The following TMEM117 variants were observed in gnomAD, a reference collection of about 807,000 sequenced individuals.
The protein encoded by TMEM117 is transmembrane protein 117.
A neutral mutation model predicts 52.4 loss-of-function variants in TMEM117; 27 were observed. The observed-to-expected ratio is 0.51, with a 90% CI of 0.38 to 0.71. The LOEUF is 0.71. TMEM117 is among the 30% of genes least tolerant of loss of function. TMEM117 has a pLI of 0.00. For synonymous variants in TMEM117, 215 were observed against 206.3 expected (o/e 1.04, Z -0.36); for missense variants, 556 against 630.5 (o/e 0.88, Z 1.26).
At chr12:43,861,979 A>G (rs1467599644) in intron 2 of TMEM117, among the ~76,000 whole-genome samples, 1 of 152,084 alleles carries the variant, frequency 6.6e-6, no homozygotes, top group Non-Finnish European at 1.5e-5. Context: ...AGCAGGGGTG[A>G]TGTGTGGCAT....
intron 2 of TMEM117, among the ~76,000 whole-genome samples, chr12:43,902,989 T>TCAAA (rs988913749): frequency 1.3e-4 from 20 of 152,320 alleles, no homozygotes; most frequent in African/African-American, 4.8e-4. Context: ...TGACCTTTTC[T>TCAAA]GGAAAACTCA....
At chr12:44,190,969 T>C (rs1041575683) in intron 4 of TMEM117, among the ~76,000 whole-genome samples, 1 of 148,400 alleles carries the variant, frequency 6.7e-6, no homozygotes, top group African/African-American at 2.5e-5. Flanking sequence ...ATATTATATA[T>C]ATATATTAGT....
chr12:44,360,336 T>C (rs892787829), intron 6 of TMEM117, among the ~76,000 whole-genome samples: 13 of 151,900 alleles, frequency 8.6e-5, no homozygotes, highest in African/African-American at 3.1e-4. Flanking sequence ...TCCCAGAACT[T>C]TGGGAGGCCG....
chr12:43,892,462 A>G (rs757369385), intron 2 of TMEM117, among the ~76,000 whole-genome samples: 36 of 152,184 alleles, frequency 2.4e-4, no homozygotes, highest in Non-Finnish European at 5.0e-4. Context: ...TTATATAAAC[A>G]TTTTAGGCAT....
chr12:44,264,625 G>A (rs1443168891), intron 5 of TMEM117, among the ~76,000 whole-genome samples: 1 of 152,032 alleles, frequency 6.6e-6, no homozygotes, highest in African/African-American at 2.4e-5. Flanking sequence ...TTATTATTTT[G>A]ATAGTGTATG....
intron 2 of TMEM117, among the ~76,000 whole-genome samples, chr12:43,887,529 C>T (rs1710973044): frequency 6.6e-6 from 1 of 152,140 alleles, no homozygotes; most frequent in South Asian, 2.1e-4. Flanking sequence ...GAACTGGAGT[C>T]TACTTAGGGT....
chr12:44,248,069 G>A (rs1246552977), intron 5 of TMEM117, among the ~76,000 whole-genome samples: 1 of 152,168 alleles, frequency 6.6e-6, no homozygotes, highest in Non-Finnish European at 1.5e-5. Context: ...AGCCAAGTAT[G>A]AGGATATAGC....
At chr12:44,202,233 AG>A (rs1449050323) in intron 4 of TMEM117, among the ~76,000 whole-genome samples, 1 of 152,182 alleles carries the variant, frequency 6.6e-6, no homozygotes, top group Non-Finnish European at 1.5e-5. Flanking sequence ...GCCTAAATGA[AG>A]TCTAATTATA....
At chr12:44,025,218 A>G (rs1946514370) in intron 3 of TMEM117, among the ~76,000 whole-genome samples, 1 of 152,208 alleles carries the variant, frequency 6.6e-6, no homozygotes, top group South Asian at 2.1e-4. Flanking sequence ...AATAATAATA[A>G]TTGTAACACA....
At chr12:44,327,179 T>G (rs908397803) in intron 6 of TMEM117, among the ~76,000 whole-genome samples, 2 of 152,024 alleles carry the variant, frequency 1.3e-5, no homozygotes, top group African/African-American at 2.4e-5. Context: ...AAAATGAAAA[T>G]TCAATAGGAA....
chr12:44,018,225 G>A (rs1565793958), intron 3 of TMEM117, among the ~76,000 whole-genome samples: 1 of 152,032 alleles, frequency 6.6e-6, no homozygotes, highest in Non-Finnish European at 1.5e-5. Context: ...TTCCAAAATG[G>A]TTACAAAAGG....
intron 4 of TMEM117, among the ~76,000 whole-genome samples, chr12:44,150,350 A>G (rs1308147586): frequency 2.0e-5 from 3 of 152,138 alleles, no homozygotes; most frequent in African/African-American, 7.2e-5. Context: ...GCAAAGATAT[A>G]GTTCTATGGT....
At chr12:44,248,390 G>A (rs1950157184) in intron 5 of TMEM117, 1 of 152,208 alleles carries the variant, frequency 6.6e-6, no homozygotes, top group Non-Finnish European at 1.5e-5. Flanking sequence ...GTTTAGATAA[G>A]GACTAGAGTC....
the TMEM117 span, among the ~76,000 whole-genome samples, chr12:43,799,235 T>C: frequency 2.0e-5 from 3 of 152,130 alleles, no homozygotes; most frequent in African/African-American, 7.2e-5. Context: ...ACTTTTTTTT[T>C]CTGAAAAGGC....
intron 6 of TMEM117, among the ~76,000 whole-genome samples, chr12:44,306,507 G>C (rs1212068050): frequency 6.6e-6 from 1 of 152,090 alleles, no homozygotes; most frequent in Non-Finnish European, 1.5e-5. Context: ...CAAAGATCAA[G>C]TTTTGGATCC....
At chr12:44,087,742 G>A (rs1468098179) in intron 3 of TMEM117, among the ~76,000 whole-genome samples, 1 of 152,106 alleles carries the variant, frequency 6.6e-6, no homozygotes, top group Admixed American at 6.5e-5. Context: ...TGGGATTACA[G>A]GCATGGACCA....
At chr12:43,835,064 T>G (rs1388963598), upstream of TMEM117, among the ~76,000 whole-genome samples, 2 of 152,200 alleles carry the variant, frequency 1.3e-5, no homozygotes, top group Non-Finnish European at 2.9e-5. Flanking sequence ...TTCCATTTGA[T>G]TATATACACT....
At chr12:44,104,483 C>A (rs1336132673) in intron 3 of TMEM117, among the ~76,000 whole-genome samples, 3 of 151,814 alleles carry the variant, frequency 2.0e-5, no homozygotes, top group Non-Finnish European at 4.4e-5. Flanking sequence ...AGTAAATTAC[C>A]TTATTTATGT....
In TMEM117 at chr12:44,105,444, G is replaced by C. The variant is rs540502726; in HGVS notation, c.411-38081G>C. On this transcript the variant is annotated intron_variant, in intron 3 of 7. Coordinates refer to ENST00000266534, the MANE Select transcript of TMEM117 (RefSeq NM_032256.3). The stretch of plus-strand genomic sequence containing the variant: ...AAATTTCTGGCTTGATAATTCCAGC[G>C]TTCCTGCCATATTTGACTCTGATTC... Among the ~76,000 whole-genome samples, 362 of 151,504 alleles carry C rather than the reference G, an allele frequency of 2.4e-3. 4 individuals are homozygous for C. Among genetic ancestry groups the C allele is most frequent in the African/African-American group, 8.0e-3 (331 of 41,286 alleles).
Sources: allele counts gnomAD v4.1 joint callset (sites outside exome capture counted in the v4.1 genomes callset), GRCh38; gene constraint gnomAD v4.1.1; transcripts MANE v1.5; gene names NCBI Gene and HGNC (gene_info 2026-07-23, HGNC 2026-07-21).